The following ZNF282 variants were observed in gnomAD, a reference collection of about 807,000 sequenced individuals.
The protein encoded by ZNF282 is HTLV-I U5 repressive element-binding protein 1.
ZNF282 carries 30 observed loss-of-function variants against 61.9 expected under a neutral mutation model. The observed-to-expected ratio is 0.48, with a 90% CI of 0.36 to 0.66. The LOEUF (loss-of-function observed/expected upper bound fraction) is 0.66. ZNF282 is among the 30% of genes least tolerant of loss of function. The pLI, the probability that ZNF282 is intolerant of heterozygous loss-of-function variation, is 0.00. For synonymous variants in ZNF282, 396 were observed against 405.0 expected, an observed-to-expected ratio of 0.98 and a Z score of 0.27; for missense variants, 788 against 941.4, an observed-to-expected ratio of 0.84 and a Z score of 2.13.
intron 5 of ZNF282, 192 bp from the exon 6 acceptor site, chr7:149,212,166 C>T: frequency 4.0e-6 from 2 of 498,848 alleles, no homozygotes; most frequent in East Asian, 3.4e-5. Flanking sequence ...GCAGCATCCT[C>T]TTATTTGCAG....
In ZNF282 at chr7:149,224,446, A is replaced by G. The variant is rs768585812; in HGVS notation, c.1815A>G (p.Ala605=). Residue 605 remains alanine, a synonymous_variant, in exon 8 of 8, where the codon GCA becomes GCG. Transcript: ENST00000610704. The stretch of plus-strand genomic sequence containing the variant: ...CGGGCGAGCGGCCTTTCCAATGTGC[A>G]CTGTGCGGCAAGAGCTTCATCCGCA... The part of the protein sequence containing the change: ...LHTGERPFQC[A]LCGKSFIRKQ... 6.2e-7 allele frequency: 1 copy of G among 1,612,990 alleles called. No homozygotes were observed. Among genetic ancestry groups the G allele is most frequent in the Non-Finnish European group, 8.5e-7 (1 of 1,179,724 alleles).
intron 2 of ZNF282, among the ~76,000 whole-genome samples, chr7:149,200,950 T>G (rs1198943035): frequency 6.6e-6 from 1 of 152,180 alleles, no homozygotes; most frequent in Non-Finnish European, 1.5e-5. Flanking sequence ...AATAGATGCT[T>G]TCTCTCCCCT....
chr7:149,213,710 T>A lies in ZNF282; in HGVS notation c.1076T>A (p.Ile359Asn), dbSNP rs776367020. Residue 359 changes from isoleucine to asparagine, a missense_variant, in exon 7 of 8, where the codon ATC becomes AAC. Ile to Asn is a moderately radical substitution (Grantham distance 149). Transcript: ENST00000610704. ...CTTTCCATGACAACAGAGTCTCTCA[T>A]CTCAGCACATGACATTTTGTCATGG... ...IPTDPNSESL[I>N]SAHDILSWIK... 2 of 1,612,762 alleles carry A rather than the reference T, an allele frequency of 1.2e-6. No homozygotes were observed. The highest frequency in any genetic ancestry group is 2.7e-5 in the African/African-American group (2 of 74,796).
Position 149,223,799 on chromosome 7 carries a change from C to T in ZNF282, c.1181-13C>T, listed in dbSNP as rs1796301406. ...AACCCCTGTCAGCATGTCACTTCTT[C>T]CTATCTCCCCAGGTGACAGCCTGCT... is the stretch of plus-strand genomic sequence containing the variant. On this transcript the variant is annotated splice_polypyrimidine_tract_variant and intron_variant, in intron 7 of 7. Transcript: ENST00000610704. The T allele has an allele frequency of 5.4e-6, 8 of 1,488,584 alleles. No individual in the cohort carries two copies. Among genetic ancestry groups the T allele is most frequent in the Non-Finnish European group, 7.1e-6 (8 of 1,129,162 alleles). 92.2% of individuals were successfully genotyped at this position (1,488,584 alleles called of 1,614,324 possible). A position where few individuals can be genotyped will look rare whatever the true frequency, so the allele number is the denominator to read the frequency against.
At chr7:149,206,388 G>A (rs1349541237) in intron 2 of ZNF282, among the ~76,000 whole-genome samples, 4 of 152,126 alleles carry the variant, frequency 2.6e-5, no homozygotes, top group Admixed American at 6.5e-5. Context: ...CTGTCACCCT[G>A]AATACCAAAA....
rs576476754 is a variant in ZNF282 at position 149,220,406 on chromosome 7, C to T, written c.1181-3406C>T. On this transcript the variant is annotated intron_variant, in intron 7 of 7. Coordinates refer to ENST00000610704, the MANE Select transcript of ZNF282 (RefSeq NM_003575.4). ...CAGCCTGCGCAACTGAGCCAGACTC[C>T]GTCTCCAAAAGAAAAAAAAAGAATA... Among the ~76,000 whole-genome samples the T allele has an allele frequency of 9.2e-5, 14 of 151,994 alleles. No individual in the cohort carries two copies. In the South Asian group the frequency reaches 1.5e-3, roughly 16 times the overall value.
intron 7 of ZNF282, among the ~76,000 whole-genome samples, chr7:149,222,162 A>G (rs1796265877): frequency 1.3e-5 from 2 of 152,268 alleles, no homozygotes; most frequent in East Asian, 3.9e-4. Context: ...CTGCCCCCCA[A>G]GGTGGTGGAG....
chr7:149,200,028 T>G (rs1795884239), intron 2 of ZNF282, among the ~76,000 whole-genome samples: 1 of 152,192 alleles, frequency 6.6e-6, no homozygotes, highest in Non-Finnish European at 1.5e-5. Flanking sequence ...GAATTAGGAT[T>G]CAAGTAATGT....
In ZNF282 at chr7:149,224,083, C is replaced by G. The variant is rs1462105588; in HGVS notation, c.1452C>G (p.Gly484=). The part of the protein sequence containing the change: ...GGGGDGGGGG[G]GAEAGTGAGG... ...GGGGCGATGGGGGCGGTGGGGGCGGCGGCGCGGAGGCGGGGACGGGGGCAG... is the reference window on the plus strand; with the variant it reads ...GGGGCGATGGGGGCGGTGGGGGCGGGGGCGCGGAGGCGGGGACGGGGGCAG... Residue 484 remains glycine, a synonymous_variant, in exon 8 of 8, where the codon GGC becomes GGG. Coordinates refer to ENST00000610704, the MANE Select transcript of ZNF282 (RefSeq NM_003575.4). 30 of 1,245,726 alleles carry G rather than the reference C, an allele frequency of 2.4e-5. No individual in the cohort carries two copies. The highest frequency in any genetic ancestry group is 3.0e-5 in the Non-Finnish European group (30 of 995,670). 77.2% of individuals were successfully genotyped at this position (1,245,726 alleles called of 1,614,324 possible). A position where few individuals can be genotyped will look rare whatever the true frequency, so the allele number is the denominator to read the frequency against.
Position 149,198,522 on chromosome 7 carries a change from C to G in ZNF282, c.355C>G (p.Leu119Val). The change falls in exon 2 of 8, where the codon CTG (leucine) becomes GTG (valine). Residue 119 changes from leucine (L) to valine (V), a missense_variant. This residue lies in a region of ZNF282 where 92 missense variants were observed against 163.9 expected (regional missense o/e 0.56). Transcript: ENST00000610704. The surrounding 1 kb of genome is among the most constrained non-coding windows in gnomAD (Gnocchi z 4.3). ...ERKVDAQASQ[L>V]LNLEGRTGTA... ...GAAGGTGGATGCCCAGGCCAGCCAG[C>G]TGCTGAACCTGGAGGGGCGCACGGG... The G allele has an allele frequency of 6.2e-7, 1 of 1,614,174 alleles. No homozygotes were observed. Among genetic ancestry groups the G allele is most frequent in the Non-Finnish European group, 8.5e-7 (1 of 1,180,022 alleles).
chr7:149,201,974 G>A (rs890855896), intron 2 of ZNF282, among the ~76,000 whole-genome samples: 2 of 151,854 alleles, frequency 1.3e-5, no homozygotes, highest in African/African-American at 2.4e-5. Flanking sequence ...CTGCATGGCC[G>A]TCCTCGCCAC....
chr7:149,204,742 A>G (rs1197077519), intron 2 of ZNF282, among the ~76,000 whole-genome samples: 1 of 152,200 alleles, frequency 6.6e-6, no homozygotes, highest in Non-Finnish European at 1.5e-5. Context: ...GAGACAAACA[A>G]GAAGCTTCTG....
chr7:149,207,190 C>T (rs1018951875), intron 3 of ZNF282, among the ~76,000 whole-genome samples, 161 bp from the exon 4 acceptor site: 1 of 68,736 alleles, frequency 1.5e-5, no homozygotes, highest in Non-Finnish European at 3.4e-5. Context: ...GGGCATCTAT[C>T]GACTCGTTTT....
intron 7 of ZNF282, among the ~76,000 whole-genome samples, chr7:149,222,460 T>G (rs1198916328): frequency 6.6e-6 from 1 of 152,116 alleles, no homozygotes; most frequent in Non-Finnish European, 1.5e-5. Flanking sequence ...ATAAAATTCT[T>G]TTCTTCCTAT....
chr7:149,203,473 A>G (rs1795946228), intron 2 of ZNF282, among the ~76,000 whole-genome samples: 1 of 152,172 alleles, frequency 6.6e-6, no homozygotes. Context: ...CAGTCTCTCA[A>G]TTAATTAGGA....
At position 149,195,744 on chromosome 7, in the gene ZNF282, C is replaced by G. The variant is rs763500836; in HGVS notation, c.155C>G (p.Pro52Arg). The G allele has an allele frequency of 3.5e-5, 54 of 1,525,948 alleles. No homozygotes were observed. The highest frequency in any genetic ancestry group is 1.2e-4 in the Admixed American group (6 of 49,128). The allele number at this position is 1,525,948 out of a possible 1,614,324, so 94.5% of individuals were successfully genotyped here. Residue 52 changes from proline to arginine, a missense_variant, in exon 1 of 8, where the codon CCG becomes CGG. Around this residue, in one of 3 missense-constraint regions of ZNF282, gnomAD observed 137 missense variants for 135.4 expected, o/e 1.01. Transcript: ENST00000610704. ...ALRGEMAEGM[P>R]PMQAQEWDMD... ...CGCGGGGAAATGGCCGAGGGAATGCCGCCCATGCAGGTGGGAGAACCCCGC... is the reference window on the plus strand; with the variant it reads ...CGCGGGGAAATGGCCGAGGGAATGCGGCCCATGCAGGTGGGAGAACCCCGC...
At chr7:149,221,963 T>C (rs545495504) in intron 7 of ZNF282, among the ~76,000 whole-genome samples, 1 of 151,894 alleles carries the variant, frequency 6.6e-6, no homozygotes, top group Admixed American at 6.6e-5. Context: ...TTCAGAGCTC[T>C]TCCACAGGCT....
chr7:149,210,883 G>A (rs1796074341), intron 5 of ZNF282, among the ~76,000 whole-genome samples, 179 bp downstream of exon 5: 1 of 152,258 alleles, frequency 6.6e-6, no homozygotes, highest in South Asian at 2.1e-4. Context: ...AGACACAGAC[G>A]TGGCAAACAG....
At chr7:149,204,358 A>G (rs564011972) in intron 2 of ZNF282, among the ~76,000 whole-genome samples, 34 of 152,152 alleles carry the variant, frequency 2.2e-4, no homozygotes, top group Non-Finnish European at 4.1e-4. Context: ...AAGGGGGTAA[A>G]GAATGCATAG....
Sources: gnomAD v4.1 joint callset for allele counts (sites outside exome capture counted in the v4.1 genomes callset) on GRCh38, gnomAD v4.1.1 for gene constraint, gnomAD v4.1.1 regional missense constraint, Gnocchi (gnomAD v3.1) non-coding constraint, MANE v1.5 for transcripts, NCBI Gene and HGNC (gene_info 2026-07-23, HGNC 2026-07-21) for gene names.